PAX2: variants seen among roughly 807,000 people sequenced by gnomAD.
PAX2 encodes the protein paired box protein Pax-2.
In PAX2, 9 loss-of-function variants were observed where a neutral mutation model predicts 41.7. That is an observed-to-expected ratio of 0.22 (90% CI 0.13 to 0.38). The LOEUF (loss-of-function observed/expected upper bound fraction) is 0.38. Among genes scored for constraint, PAX2 ranks in the 10% least tolerant of loss-of-function variants. The pLI is 1.00. For missense variants in PAX2, 418 were observed against 531.6 expected (o/e 0.79, Z 2.10); for synonymous variants, 221 against 212.7 (o/e 1.04, Z -0.34).
intron 1 of PAX2, among the ~76,000 whole-genome samples, chr10:100,739,564 C>T (rs991293225): frequency 2.0e-5 from 3 of 152,238 alleles, no homozygotes; most frequent in Non-Finnish European, 2.9e-5. Context: ...CGCGCGCGCT[C>T]ACCCGCGGGG....
chr10:100,779,080 A>T (rs148196845), intron 3 of PAX2, among the ~76,000 whole-genome samples: 23 of 152,210 alleles, frequency 1.5e-4, no homozygotes, highest in Middle Eastern at 6.8e-3. Context: ...CTCCAAAATG[A>T]TCTCAAAACC....
intron 3 of PAX2, among the ~76,000 whole-genome samples, chr10:100,773,781 T>A (rs968967623): frequency 2.2e-4 from 33 of 152,142 alleles, no homozygotes; most frequent in Admixed American, 1.4e-3. Flanking sequence ...ACACTTAACC[T>A]TTTTTACAGT....
At chr10:100,786,923 C>T in intron 5 of PAX2, 4 of 1,364,426 alleles carry the variant, frequency 2.9e-6, no homozygotes, top group Non-Finnish European at 4.0e-6. Context: ...CAGTGTTTGT[C>T]TGTCTCTTAT....
intron 5 of PAX2, among the ~76,000 whole-genome samples, chr10:100,805,460 G>A (rs1260960190): frequency 6.6e-6 from 1 of 152,174 alleles, no homozygotes; most frequent in Admixed American, 6.5e-5. Context: ...GCTGCAAGGT[G>A]TGGGTTCAGA....
chr10:100,802,480 T>G (rs1847598498), intron 5 of PAX2, among the ~76,000 whole-genome samples: 2 of 152,228 alleles, frequency 1.3e-5, no homozygotes, highest in Admixed American at 1.3e-4. Flanking sequence ...GAGCTGATGC[T>G]GTTAGAGGCT....
At position 100,746,089 on chromosome 10, in the gene PAX2, C is replaced by T; in HGVS notation, c.-172C>T. On this transcript the variant is annotated 5_prime_UTR_variant, in exon 1 of 10. Transcript: ENST00000355243. ...AAGCTCCGGCCAACCCGGAGGAGCC[C>T]CAGCGGGGAGCGCAGTGCTGCGCCC... 1 of 1,517,160 alleles carries T rather than the reference C, an allele frequency of 6.6e-7. No individual in the cohort carries two copies. Among genetic ancestry groups the T allele is most frequent in the Non-Finnish European group, 8.8e-7 (1 of 1,141,900 alleles). The allele number at this position is 1,517,160 out of a possible 1,614,324, so 94.0% of individuals were successfully genotyped here. A position where few individuals can be genotyped will look rare whatever the true frequency, so the allele number is the denominator to read the frequency against.
At chr10:100,777,097 ATTTTTT>A (rs532321832) in intron 3 of PAX2, among the ~76,000 whole-genome samples, 1 of 122,376 alleles carries the variant, frequency 8.2e-6, no homozygotes, top group African/African-American at 3.0e-5. Flanking sequence ...TGGTACTGTG[ATTTTTT>A]TTTTTTTTTT....
intron 5 of PAX2, among the ~76,000 whole-genome samples, chr10:100,784,889 C>T (rs2133905634): frequency 6.6e-6 from 1 of 152,306 alleles, no homozygotes; most frequent in Middle Eastern, 3.4e-3. Flanking sequence ...CCCTGACTTT[C>T]CCTTGAGAAA....
chr10:100,766,731 G>T (rs1158278651), intron 3 of PAX2, among the ~76,000 whole-genome samples: 2 of 152,074 alleles, frequency 1.3e-5, no homozygotes, highest in African/African-American at 4.8e-5. Flanking sequence ...AAATGACCAG[G>T]CCAGAGTAAG....
intron 7 of PAX2, among the ~76,000 whole-genome samples, chr10:100,822,792 A>T (rs995692512): frequency 6.6e-6 from 1 of 152,220 alleles, no homozygotes; most frequent in East Asian, 1.9e-4. Flanking sequence ...AAGCCATGAA[A>T]ACAGTCAAAC....
In PAX2 at chr10:100,791,252, G is replaced by A. The variant is rs545184557; in HGVS notation, c.616+9887G>A. Among the ~76,000 whole-genome samples the A allele has an allele frequency of 8.4e-4, 128 of 152,328 alleles. No homozygotes were observed. Among genetic ancestry groups the A allele is most frequent in the Non-Finnish European group, 1.6e-3 (112 of 68,034 alleles). Reference sequence around the variant, plus strand: ...CTCCTGGGGGCCTTTCCAGGACTGGGGCTGGGGCTTTATCCTGCAGGCAGA... The same window carrying A: ...CTCCTGGGGGCCTTTCCAGGACTGGAGCTGGGGCTTTATCCTGCAGGCAGA... On this transcript the variant is annotated intron_variant, in intron 5 of 9. Transcript: ENST00000355243. The surrounding 1 kb of genome is among the most constrained non-coding windows in gnomAD (Gnocchi z 4.5).
chr10:100,793,223 C>G (rs969534015), intron 5 of PAX2, among the ~76,000 whole-genome samples: 2 of 152,228 alleles, frequency 1.3e-5, no homozygotes, highest in Non-Finnish European at 1.5e-5. Flanking sequence ...AGGAGCTAGA[C>G]GCTCAGTGAG....
chr10:100,793,190 G>T (rs186728770), intron 5 of PAX2, among the ~76,000 whole-genome samples: 1 of 152,220 alleles, frequency 6.6e-6, no homozygotes, highest in Non-Finnish European at 1.5e-5. Context: ...GCCCAGAGAA[G>T]GCTGGGAAAG....
intron 7 of PAX2, among the ~76,000 whole-genome samples, chr10:100,818,405 G>T (rs1040956341): frequency 1.3e-5 from 2 of 152,076 alleles, no homozygotes; most frequent in South Asian, 2.1e-4. Context: ...ATGTTATTTT[G>T]CTGTGCTTTG....
rs1008356288 is a variant in PAX2, at chr10:100,829,117, G to A, written c.*1498G>A. ...TACAAAAAAAAATTACGAAAGAAAAGAAATCTCTATGCAAAATGACGAACA... is the reference window on the plus strand; with the variant it reads ...TACAAAAAAAAATTACGAAAGAAAAAAAATCTCTATGCAAAATGACGAACA... On this transcript the variant is annotated 3_prime_UTR_variant, in exon 10 of 10. Transcript: ENST00000355243. The A allele has an allele frequency of 7.4e-5, 17 of 231,232 alleles. No individual in the cohort carries two copies. The highest frequency in any genetic ancestry group is 1.4e-4 in the Non-Finnish European group (16 of 116,658). The allele number at this position is 231,232 out of a possible 1,614,324, so 14.3% of individuals were successfully genotyped here.
chr10:100,737,097 T>C (rs1287994682), intron 1 of PAX2, among the ~76,000 whole-genome samples: 1 of 152,182 alleles, frequency 6.6e-6, no homozygotes, highest in Non-Finnish European at 1.5e-5. Flanking sequence ...CCTCCTTCTT[T>C]CCCTTTCCCA....
chr10:100,752,806 T>C (rs1845489918), intron 3 of PAX2, among the ~76,000 whole-genome samples: 1 of 152,010 alleles, frequency 6.6e-6, no homozygotes, highest in Non-Finnish European at 1.5e-5. Context: ...TTGGCTGAGA[T>C]GATTTTGGAA....
At chr10:100,746,360 C>T in intron 1 of PAX2, 57 bp downstream of exon 1, 1 of 1,227,498 alleles carries the variant, frequency 8.1e-7, no homozygotes, top group Non-Finnish European at 1.2e-6. Flanking sequence ...CCAACCCTGT[C>T]CAGTCCCAGC....
intron 3 of PAX2, among the ~76,000 whole-genome samples, chr10:100,778,459 A>G (rs1189464726): frequency 1.3e-5 from 2 of 152,122 alleles, no homozygotes; most frequent in East Asian, 1.9e-4. Context: ...CCTTATCCCA[A>G]CTGCCTGCAA....
Sources: allele counts gnomAD v4.1 joint callset (sites outside exome capture counted in the v4.1 genomes callset), GRCh38; gene constraint gnomAD v4.1.1; non-coding constraint Gnocchi (gnomAD v3.1); transcripts MANE v1.5; gene names NCBI Gene and HGNC (gene_info 2026-07-23, HGNC 2026-07-21).